Variants in PDE4D observed in about 807,000 individuals in gnomAD.
PDE4D encodes phosphodiesterase 4D.
PDE4D carries 24 observed loss-of-function variants against 87.4 expected under a neutral mutation model. The ratio of observed to expected loss-of-function variants is 0.27; its 90% CI spans 0.20 to 0.39. The LOEUF (loss-of-function observed/expected upper bound fraction) is 0.39, where lower values mean the gene tolerates loss of function less well. Among genes scored for constraint, PDE4D ranks in the 10% least tolerant of loss-of-function variants. The pLI is 1.00. For synonymous variants in PDE4D, 384 were observed against 383.2 expected (o/e 1.00, Z -0.02); for missense variants, 714 against 1,041.0 (o/e 0.69, Z 4.32).
At chr5:60,477,143 A>G (rs1021776555) in intron 1 of PDE4D, among the ~76,000 whole-genome samples, 5 of 152,212 alleles carry the variant, frequency 3.3e-5, no homozygotes, top group Non-Finnish European at 7.4e-5. Context: ...AGAGGAAATC[A>G]AACAGCAAGA....
At chr5:59,471,136 T>C (rs989874775) in intron 1 of PDE4D, among the ~76,000 whole-genome samples, 18 of 152,080 alleles carry the variant, frequency 1.2e-4, no homozygotes, top group Non-Finnish European at 2.4e-4. Context: ...TCATAGCTAC[T>C]AGGGAGGCAG....
intron 1 of PDE4D, among the ~76,000 whole-genome samples, chr5:60,406,359 C>A (rs146714418): frequency 0.012 from 1,793 of 152,284 alleles, 35 homozygotes; most frequent in African/African-American, 0.04. Context: ...ATCCCAAACT[C>A]TTTCAACTGT....
chr5:60,216,221 T>G (rs1743836585), intron 1 of PDE4D, among the ~76,000 whole-genome samples: 1 of 152,114 alleles, frequency 6.6e-6, no homozygotes, highest in Non-Finnish European at 1.5e-5. Context: ...AGTCTGGAAT[T>G]GCATCTTGTA....
intron 1 of PDE4D, among the ~76,000 whole-genome samples, chr5:59,872,264 C>CACACACACACACACAA (rs1281758051): frequency 2.6e-5 from 2 of 78,050 alleles, no homozygotes; most frequent in African/African-American, 1.2e-4. Flanking sequence ...AGAAGAGTTA[C>CACACACACACACACAA]ACACACACAC....
intron 1 of PDE4D, among the ~76,000 whole-genome samples, chr5:59,605,459 A>G (rs1444026023): frequency 6.6e-6 from 1 of 152,008 alleles, no homozygotes; most frequent in African/African-American, 2.4e-5. Context: ...TTCTTCTTTT[A>G]TTCTCCAACC....
intron 1 of PDE4D, among the ~76,000 whole-genome samples, chr5:59,513,838 T>G (rs1158602469): frequency 6.6e-6 from 1 of 152,182 alleles, no homozygotes; most frequent in Admixed American, 6.5e-5. Flanking sequence ...CCCATGTTTC[T>G]GAAGTTCGCT....
intron 1 of PDE4D, among the ~76,000 whole-genome samples, chr5:60,317,203 G>T (rs1429252750): frequency 6.6e-5 from 10 of 152,002 alleles, no homozygotes. Context: ...ACTTCTTCCT[G>T]GTTTAGTCTT....
chr5:59,254,827 C>A (rs1398226793), intron 1 of PDE4D, among the ~76,000 whole-genome samples: 1 of 152,080 alleles, frequency 6.6e-6, no homozygotes, highest in Non-Finnish European at 1.5e-5. Context: ...CAGAAAGATG[C>A]TTTTGAGTGA....
intron 1 of PDE4D, among the ~76,000 whole-genome samples, chr5:59,634,446 C>A (rs1831985644): frequency 6.6e-6 from 1 of 152,156 alleles, no homozygotes; most frequent in Non-Finnish European, 1.5e-5. Context: ...CTTCTCAGCA[C>A]CACATTGCAC....
chr5:59,868,277 G>A (rs1014196000), intron 1 of PDE4D, among the ~76,000 whole-genome samples: 5 of 151,610 alleles, frequency 3.3e-5, no homozygotes, highest in East Asian at 3.9e-4. Flanking sequence ...ATTTATTTTC[G>A]GTAAAAATAA....
intron 1 of PDE4D, among the ~76,000 whole-genome samples, chr5:59,291,450 GT>G (rs1283938137): frequency 2.0e-5 from 3 of 151,902 alleles, no homozygotes; most frequent in Non-Finnish European, 4.4e-5. Flanking sequence ...GGAGGGAAGG[GT>G]GGGATACTTA....
intron 1 of PDE4D, among the ~76,000 whole-genome samples, chr5:60,516,119 G>A (rs770958340): frequency 1.3e-5 from 2 of 152,160 alleles, no homozygotes; most frequent in East Asian, 1.9e-4. Context: ...TTAAGTTTGC[G>A]ATGGAATAGA....
chr5:59,593,319 CAAAAA>C (rs35227171), intron 1 of PDE4D, among the ~76,000 whole-genome samples: 4 of 112,368 alleles, frequency 3.6e-5, no homozygotes, highest in Non-Finnish European at 1.9e-5. Flanking sequence ...TAATGGCTCT[CAAAAA>C]AAAAAAAAAA....
At chr5:59,336,024 A>G (rs978019739) in intron 1 of PDE4D, among the ~76,000 whole-genome samples, 2 of 152,242 alleles carry the variant, frequency 1.3e-5, no homozygotes, top group Admixed American at 6.5e-5. Context: ...TTGCTGGGAG[A>G]ATAAATTGGC....
chr5:59,813,709 G>T (rs903338123), intron 1 of PDE4D, among the ~76,000 whole-genome samples: 5 of 152,144 alleles, frequency 3.3e-5, no homozygotes, highest in African/African-American at 7.2e-5. Flanking sequence ...AAAAACTCAG[G>T]CCTGTTAAGG....
intron 1 of PDE4D, chr5:60,521,565 C>G (rs1751039742): frequency 6.6e-6 from 1 of 152,118 alleles, no homozygotes; most frequent in South Asian, 2.1e-4. Context: ...ACTGAAACTG[C>G]AGTTTCCCCT....
At chr5:59,486,332 G>T (rs1305158291) in intron 1 of PDE4D, among the ~76,000 whole-genome samples, 1 of 152,054 alleles carries the variant, frequency 6.6e-6, no homozygotes, top group Non-Finnish European at 1.5e-5. Flanking sequence ...TGCCACAATA[G>T]ACTTCCCATG....
chr5:59,358,295 CA>C (rs1284898306), intron 1 of PDE4D, among the ~76,000 whole-genome samples: 3 of 152,196 alleles, frequency 2.0e-5, no homozygotes, highest in African/African-American at 7.2e-5. Flanking sequence ...TGAACAGCAG[CA>C]ACCTTGGAGG....
intron 1 of PDE4D, among the ~76,000 whole-genome samples, chr5:59,457,558 T>C (rs754464913): frequency 6.6e-5 from 10 of 152,204 alleles, no homozygotes; most frequent in South Asian, 4.1e-4. Flanking sequence ...AAAAGTTGGC[T>C]GAATGGGTAA....
Sources: gnomAD v4.1 joint callset for allele counts (sites outside exome capture counted in the v4.1 genomes callset) on GRCh38, gnomAD v4.1.1 for gene constraint, MANE v1.5 for transcripts, NCBI Gene and HGNC (gene_info 2026-07-23, HGNC 2026-07-21) for gene names.